The following GLIS3 variants were observed in gnomAD, a reference collection of about 807,000 sequenced individuals.
GLIS3 encodes the protein zinc finger protein GLIS3.
Under a neutral mutation model 78.6 loss-of-function variants are expected in GLIS3, and 53 were observed. The observed-to-expected ratio is 0.67, with a 90% CI of 0.54 to 0.85. The LOEUF (loss-of-function observed/expected upper bound fraction) is 0.85. Ranked by LOEUF, GLIS3 falls within the 40% of genes least tolerant of loss-of-function variation. The pLI is 0.00. For missense variants in GLIS3, 1,703 were observed against 1,231.1 expected (o/e 1.38, Z -5.74); for synonymous variants, 684 against 509.9 (o/e 1.34, Z -4.60).
chr9:3,846,938 CTT>C (rs1819084208), intron 9 of GLIS3, among the ~76,000 whole-genome samples: 1 of 152,142 alleles, frequency 6.6e-6, no homozygotes, highest in African/African-American at 2.4e-5. Flanking sequence ...AATCCCAGCA[CTT>C]TGGGAGGCTA....
chr9:4,079,638 G>A (rs531233490), intron 4 of GLIS3, among the ~76,000 whole-genome samples: 3 of 152,176 alleles, frequency 2.0e-5, no homozygotes, highest in South Asian at 4.2e-4. Context: ...CCCCAGTGCT[G>A]GGAAGAGCAT....
intron 2 of GLIS3, among the ~76,000 whole-genome samples, chr9:4,235,493 G>A (rs1301962446): frequency 4.6e-5 from 7 of 152,132 alleles, no homozygotes; most frequent in African/African-American, 1.4e-4. Context: ...TGTTCAGAAG[G>A]TTTCTTGCAG....
chr9:4,219,616 A>T (rs1184679616), intron 2 of GLIS3, among the ~76,000 whole-genome samples: 2 of 152,222 alleles, frequency 1.3e-5, no homozygotes, highest in African/African-American at 4.8e-5. Flanking sequence ...AACAGAAAGA[A>T]AGATAAAATA....
In GLIS3 at chr9:3,829,341, G is replaced by A. The variant is rs771655712; in HGVS notation, c.2625C>T (p.His875=). The change falls in exon 10 of 11, where the codon CAC becomes CAT. Residue 875 remains histidine (H), a synonymous_variant. Coordinates refer to ENST00000381971, the MANE Select transcript of GLIS3 (RefSeq NM_001042413.2). ...TGCCCGAGTGAGTCGAGAAGGCTCTGTGGAAAACATCAAAACTGGCCTGGC... is the reference window on the plus strand; with the variant it reads ...TGCCCGAGTGAGTCGAGAAGGCTCTATGGAAAACATCAAAACTGGCCTGGC... The part of the protein sequence containing the change: ...SMGQASFDVF[H]RAFSTHSGIT... The A allele has an allele frequency of 1.2e-5, 19 of 1,614,096 alleles. No homozygotes were observed. The highest frequency in any genetic ancestry group is 1.6e-4 in the Middle Eastern group (1 of 6,062).
At chr9:3,845,831 A>G (rs1348847898) in intron 9 of GLIS3, among the ~76,000 whole-genome samples, 2 of 152,144 alleles carry the variant, frequency 1.3e-5, no homozygotes, top group African/African-American at 2.4e-5. Context: ...ACAGCCCCCA[A>G]TCAAAGGCTT....
Position 4,125,802 on chromosome 9 carries a change from G to C in GLIS3, c.528C>G (p.Asn176Lys), listed in dbSNP as rs1832531214. The C allele has an allele frequency of 1.2e-6, 2 of 1,614,102 alleles. No individual in the cohort carries two copies. The highest frequency in any genetic ancestry group is 2.7e-5 in the African/African-American group (2 of 75,008). ...PPASQVSTAC[N>K]QISPSLQRAM... ...CCCTCTGTAAGCTAGGACTGATCTG[G>C]TTGCATGCTGTAGAGACCTGGCTTG... is the stretch of plus-strand genomic sequence containing the variant. The change falls in exon 3 of 11, where the codon AAC becomes AAG. Residue 176 changes from asparagine (N) to lysine (K), a missense_variant. Transcript: ENST00000381971.
intron 2 of GLIS3, among the ~76,000 whole-genome samples, chr9:4,179,072 T>C (rs1423167907): frequency 2.6e-5 from 4 of 152,200 alleles, no homozygotes; most frequent in Non-Finnish European, 4.4e-5. Flanking sequence ...CAGCCTGAGT[T>C]TTGGATGGTG....
At chr9:4,042,917 C>T (rs1490608960) in intron 4 of GLIS3, among the ~76,000 whole-genome samples, 2 of 149,382 alleles carry the variant, frequency 1.3e-5, no homozygotes, top group Non-Finnish European at 3.0e-5. Flanking sequence ...AGCTATGTGC[C>T]AGGACGCCAA....
Position 3,856,139 on chromosome 9 carries a change from T to G in GLIS3, c.2343A>C (p.Arg781Ser). Residue 781 changes from arginine (R) to serine (S), a missense_variant, in exon 9 of 11, where the codon AGA becomes AGC. Transcript: ENST00000381971. ...GCAGTATTGAAGAAGGAGCTGGAACTCTCCGGGGGCTGATGTGGTGAGGAG... is the reference window on the plus strand; with the variant it reads ...GCAGTATTGAAGAAGGAGCTGGAACGCTCCGGGGGCTGATGTGGTGAGGAG... ...APSPHHISPR[R>S]VPAPSSILQR... is the part of the protein sequence containing the mutation. 1 of 1,614,080 alleles carries G rather than the reference T, an allele frequency of 6.2e-7. No individual in the cohort carries two copies. The highest frequency in any genetic ancestry group is 8.5e-7 in the Non-Finnish European group (1 of 1,180,018).
rs541341075 is a variant in GLIS3 at position 4,181,425 on chromosome 9, T to C, written c.389-55484A>G. ...GCCAGGTAGTCCAGAATGACTGTGC[T>C]CCATGGCATCTAGTCTGCTACTGCC... On this transcript the variant is annotated intron_variant, in intron 2 of 10. Transcript: ENST00000381971. Among the ~76,000 whole-genome samples, 386 of 152,350 alleles carry C rather than the reference T, an allele frequency of 2.5e-3. 2 individuals carry two copies. The highest frequency in any genetic ancestry group is 7.5e-3 in the African/African-American group (311 of 41,570).
the GLIS3 span, among the ~76,000 whole-genome samples, chr9:4,369,431 A>C: frequency 6.6e-6 from 1 of 152,216 alleles, no homozygotes; most frequent in Non-Finnish European, 1.5e-5. Context: ...ATGTTGATGC[A>C]TGCACTGCTC....
chr9:4,485,029 G>A, the GLIS3 span, among the ~76,000 whole-genome samples: 1 of 147,108 alleles, frequency 6.8e-6, no homozygotes, highest in Non-Finnish European at 1.5e-5. Context: ...TGGGGGTGGT[G>A]GGGGGACAGG....
At chr9:4,045,048 G>C (rs1039979056) in intron 4 of GLIS3, among the ~76,000 whole-genome samples, 1 of 152,156 alleles carries the variant, frequency 6.6e-6, no homozygotes, top group African/African-American at 2.4e-5. Flanking sequence ...TTTAGCATAG[G>C]ACTAGGGTGG....
chr9:3,893,956 C>T (rs1310224848), intron 7 of GLIS3, among the ~76,000 whole-genome samples: 2 of 152,198 alleles, frequency 1.3e-5, no homozygotes, highest in East Asian at 3.8e-4. Context: ...ATGAAGCTTG[C>T]TCCTGACCTC....
the GLIS3 span, among the ~76,000 whole-genome samples, chr9:4,356,902 C>T: frequency 3.3e-5 from 5 of 152,112 alleles, no homozygotes; most frequent in Admixed American, 6.6e-5. Context: ...AGCATTATAC[C>T]AGGAGCTGGA....
intron 2 of GLIS3, among the ~76,000 whole-genome samples, chr9:4,328,966 A>C (rs1268796973): frequency 1.3e-5 from 2 of 152,220 alleles, no homozygotes; most frequent in Non-Finnish European, 2.9e-5. Context: ...CAGCAACCAC[A>C]GCTCTTGAGG....
intron 9 of GLIS3, among the ~76,000 whole-genome samples, chr9:3,837,996 G>T (rs911983553): frequency 1.6e-4 from 25 of 152,018 alleles, no homozygotes; most frequent in African/African-American, 5.8e-4. Flanking sequence ...GTGTGTGGAG[G>T]GGGTGGGGGG....
At chr9:4,312,051 G>A (rs1391474000) in intron 2 of GLIS3, among the ~76,000 whole-genome samples, 1 of 152,034 alleles carries the variant, frequency 6.6e-6, no homozygotes, top group Non-Finnish European at 1.5e-5. Flanking sequence ...TTAGAATCTG[G>A]GTCACAAAAC....
chr9:4,313,667 G>A (rs1196174895), intron 2 of GLIS3, among the ~76,000 whole-genome samples: 2 of 152,164 alleles, frequency 1.3e-5, no homozygotes, highest in Non-Finnish European at 2.9e-5. Flanking sequence ...AGTTACTAGA[G>A]TCTCCAAACA....
Sources: allele counts gnomAD v4.1 joint callset (sites outside exome capture counted in the v4.1 genomes callset), GRCh38; gene constraint gnomAD v4.1.1; transcripts MANE v1.5; gene names NCBI Gene and HGNC (gene_info 2026-07-23, HGNC 2026-07-21).